Variants in TGFBR3L observed in about 807,000 individuals in gnomAD.
TGFBR3L encodes transforming growth factor-beta receptor type 3-like protein.
In TGFBR3L, 21 loss-of-function variants were observed where a neutral mutation model predicts 20.4. That is an observed-to-expected ratio of 1.03 (90% CI 0.73 to 1.48). TGFBR3L has a LOEUF of 1.48. Ranked by LOEUF, TGFBR3L falls within the 40% of genes most tolerant of loss-of-function variation. The pLI is 0.00. For synonymous variants in TGFBR3L, 245 were observed against 244.2 expected, an observed-to-expected ratio of 1.00 and a Z score of -0.03; for missense variants, 479 against 498.0, an observed-to-expected ratio of 0.96 and a Z score of 0.36.
rs1321220219 is a variant in TGFBR3L, at chr19:7,916,240, CA to C, written c.-27del. 8 of 1,526,622 alleles carry C rather than the reference CA, an allele frequency of 5.2e-6. No homozygotes were observed. The African/African-American group carries it at 8.2e-5, about 16-fold the overall frequency. The allele number at this position is 1,526,622 out of a possible 1,614,324, so 94.6% of individuals were successfully genotyped here. On this transcript the variant is annotated 5_prime_UTR_variant, in exon 1 of 6. Transcript: ENST00000565886. ...GGGTCGCCAGGGGGCACATCACCGTCAGGGGGGAAAGTGGCGCGGAGCCCAT... is the reference window on the plus strand; with the variant it reads ...GGGTCGCCAGGGGGCACATCACCGTCGGGGGGAAAGTGGCGCGGAGCCCAT...
chr19:7,918,065 GC>G lies in TGFBR3L; in HGVS notation c.896del (p.Pro299LeufsTer78). On this transcript the variant is annotated frameshift_variant, in exon 5 of 6. Transcript: ENST00000565886. LOFTEE classifies it high-confidence loss of function. ...TCGCCTCTCCCTTCCAGCGCCCCACGCCCCTGGCCCGCCCGCGAGAGCCTCG... is the reference window on the plus strand; with the variant it reads ...TCGCCTCTCCCTTCCAGCGCCCCACGCCCTGGCCCGCCCGCGAGAGCCTCG... 2 of 1,534,624 alleles carry G rather than the reference GC, an allele frequency of 1.3e-6. No homozygotes were observed. The highest frequency in any genetic ancestry group is 1.7e-6 in the Non-Finnish European group (2 of 1,146,020).
In TGFBR3L at chr19:7,916,285, C is replaced by G. The variant is rs1202105924; in HGVS notation, c.18C>G (p.Ala6=). The G allele has an allele frequency of 5.9e-6, 9 of 1,535,252 alleles. No homozygotes were observed. The highest frequency in any genetic ancestry group is 7.8e-6 in the Non-Finnish European group (9 of 1,146,622). The change falls in exon 1 of 6, where the codon GCC becomes GCG. Residue 6 remains alanine (A), a synonymous_variant. Transcript: ENST00000565886. ...AGCCCATCATGGGTGAATCGGCCGC[C>G]GCAACCGCATCCCTTTTCCAAAGGC...
chr19:7,917,308 C>T (rs1452890515), intron 2 of TGFBR3L, among the ~76,000 whole-genome samples, 165 bp from the exon 4 acceptor site: 1 of 152,014 alleles, frequency 6.6e-6, no homozygotes, highest in Non-Finnish European at 1.5e-5. Flanking sequence ...CACTTGTATG[C>T]GTAGGGGCTG....
At position 7,916,067 on chromosome 19, in the gene TGFBR3L, A is replaced by C; in HGVS notation, c.-201A>C. 1.0e-6 allele frequency: 1 copy of C among 1,003,676 alleles called. No homozygotes were observed. Among genetic ancestry groups the C allele is most frequent in the Non-Finnish European group, 1.4e-6 (1 of 712,874 alleles). The allele number at this position is 1,003,676 out of a possible 1,614,324, so 62.2% of individuals were successfully genotyped here. ...AGAGCAGCCCTGGGGAAGGTGGGGG[A>C]GCTCTGACTTCACCCAGCCGGACCC... On this transcript the variant is annotated 5_prime_UTR_variant, in exon 1 of 6. Transcript: ENST00000565886.
At chr19:7,917,403 C>CCCTG in intron 2 of TGFBR3L, 70 bp from the exon 4 acceptor site, 1 of 1,483,644 alleles carries the variant, frequency 6.7e-7, no homozygotes, top group South Asian at 1.3e-5. Context: ...CTCTTGGGGG[C>CCCTG]CCTGGGGACC....
rs958180627 is a variant in TGFBR3L at position 7,914,839 on chromosome 19, G to C, written c.-1429G>C. On this transcript the variant is annotated 5_prime_UTR_variant, in exon 1 of 6. Coordinates refer to ENST00000565886, the MANE Select transcript of TGFBR3L (RefSeq NM_001195259.2). ...TGTCTGCTCTGGCCCCAAACACTCC[G>C]ACCTCAGCTGGTCCAGCATGCTGGG... 1.3e-5 allele frequency among the ~76,000 whole-genome samples: 2 copies of C among 152,174 alleles called. No individual in the cohort carries two copies. Among genetic ancestry groups the C allele is most frequent in the Non-Finnish European group, 2.9e-5 (2 of 68,028 alleles).
Position 7,916,721 on chromosome 19 carries a change from C to G in TGFBR3L, c.376C>G (p.Leu126Val). ...GGCCCCGGGGCCCGCCCTGGCTCTGCTGCGTGAGGGCTGCCCCGCCGACAC... is the reference window on the plus strand; with the variant it reads ...GGCCCCGGGGCCCGCCCTGGCTCTGGTGCGTGAGGGCTGCCCCGCCGACAC... The change falls in exon 2 of 6, where the codon CTG (leucine) becomes GTG (valine). Residue 126 changes from leucine (L) to valine (V), a missense_variant. Coordinates refer to ENST00000565886, the MANE Select transcript of TGFBR3L (RefSeq NM_001195259.2). 6.7e-7 allele frequency: 1 copy of G among 1,483,160 alleles called. No homozygotes were observed. The highest frequency in any genetic ancestry group is 8.9e-7 in the Non-Finnish European group (1 of 1,123,800). The allele number at this position is 1,483,160 out of a possible 1,614,324, so 91.9% of individuals were successfully genotyped here.
intron 4 of TGFBR3L, 49 bp from the exon 6 acceptor site, chr19:7,918,008 C>A: frequency 1.3e-6 from 2 of 1,521,438 alleles, no homozygotes; most frequent in Non-Finnish European, 1.8e-6. Flanking sequence ...CCGCCCTTAG[C>A]CTGGCGTGGC....
Position 7,915,338 on chromosome 19 carries a change from G to C in TGFBR3L, c.-930G>C, listed in dbSNP as rs1368525982. Among the ~76,000 whole-genome samples, 1 of 152,164 alleles carries C rather than the reference G, an allele frequency of 6.6e-6. No homozygotes were observed. The highest frequency in any genetic ancestry group is 1.5e-5 in the Non-Finnish European group (1 of 68,020). On this transcript the variant is annotated 5_prime_UTR_variant, in exon 1 of 6. Coordinates refer to ENST00000565886, the MANE Select transcript of TGFBR3L (RefSeq NM_001195259.2). Reference sequence around the variant, plus strand: ...CCTCATGGGGGTGGGGACAGGGCAGGGGAGTGGGGTGGGGTCTCTGTCCCC... The same window carrying C: ...CCTCATGGGGGTGGGGACAGGGCAGCGGAGTGGGGTGGGGTCTCTGTCCCC...
Position 7,916,903 on chromosome 19 carries a change from T to A in TGFBR3L, c.558T>A (p.Pro186=). Residue 186 remains proline, a synonymous_variant, in exon 2 of 6, where the codon CCT becomes CCA. Coordinates refer to ENST00000565886, the MANE Select transcript of TGFBR3L (RefSeq NM_001195259.2). ...GCCTCCGGGGAGTCCGCCGGGCGCCTGCGCCTCTGACGCCGCCGCCGCCGC... is the reference window on the plus strand; with the variant it reads ...GCCTCCGGGGAGTCCGCCGGGCGCCAGCGCCTCTGACGCCGCCGCCGCCGC... 7.5e-7 allele frequency: 1 copy of A among 1,326,302 alleles called. No individual in the cohort carries two copies. Among genetic ancestry groups the A allele is most frequent in the South Asian group, 2.2e-5 (1 of 46,372 alleles). The allele number at this position is 1,326,302 out of a possible 1,614,324, so 82.2% of individuals were successfully genotyped here.
Position 7,917,599 on chromosome 19 carries a change from A to T in TGFBR3L, c.724A>T (p.Arg242Trp), listed in dbSNP as rs1027329703. The T allele has an allele frequency of 6.8e-7, 1 of 1,475,280 alleles. No individual in the cohort carries two copies. Among genetic ancestry groups the T allele is most frequent in the Non-Finnish European group, 9.0e-7 (1 of 1,115,216 alleles). 91.4% of individuals were successfully genotyped at this position (1,475,280 alleles called of 1,614,324 possible). A position where few individuals can be genotyped will look rare whatever the true frequency, so the allele number is the denominator to read the frequency against. ...GGTCACCGTGCCGCGGCCGCCCCCCAGTGAGCACGCAGTCCTCCTCCGCAT... is the reference window on the plus strand; with the variant it reads ...GGTCACCGTGCCGCGGCCGCCCCCCTGTGAGCACGCAGTCCTCCTCCGCAT... The change falls in exon 3 of 6, where the codon AGG (arginine) becomes TGG (tryptophan). Residue 242 changes from arginine to tryptophan, a missense_variant and splice_region_variant. Arg to Trp is a moderately radical substitution (Grantham distance 101). Transcript: ENST00000565886.
Position 7,917,143 on chromosome 19 carries a change from A to T in TGFBR3L, c.597+201A>T, listed in dbSNP as rs554980708. The T allele has an allele frequency of 1.2e-5, 11 of 947,708 alleles. No homozygotes were observed. The East Asian group carries it at 3.0e-4, about 26-fold the overall frequency. The allele number at this position is 947,708 out of a possible 1,614,324, so 58.7% of individuals were successfully genotyped here. On this transcript the variant is annotated intron_variant, in intron 2 of 5. Transcript: ENST00000565886. Reference sequence around the variant, plus strand: ...TGGGTTCCCCCATGGACAGCTCTGGAATCCTTCAGGGCTGGGGGTTGGATG... The same window carrying T: ...TGGGTTCCCCCATGGACAGCTCTGGTATCCTTCAGGGCTGGGGGTTGGATG...
Position 7,917,577 on chromosome 19 carries a change from C to A in TGFBR3L, c.702C>A (p.Val234=). Residue 234 remains valine, a synonymous_variant, in exon 3 of 6, where the codon GTC becomes GTA. Transcript: ENST00000565886. Reference sequence around the variant, plus strand: ...ACACGCTGACGCAGCCTATCGTGGTCACCGTGCCGCGGCCGCCCCCCAGTG... The same window carrying A: ...ACACGCTGACGCAGCCTATCGTGGTAACCGTGCCGCGGCCGCCCCCCAGTG... The A allele has an allele frequency of 6.7e-7, 1 of 1,490,208 alleles. No individual in the cohort carries two copies. 92.3% of individuals were successfully genotyped at this position (1,490,208 alleles called of 1,614,324 possible). A position where few individuals can be genotyped will look rare whatever the true frequency, so the allele number is the denominator to read the frequency against.
In TGFBR3L at chr19:7,916,328, G is replaced by A; in HGVS notation, c.61G>A (p.Gly21Ser). 1.3e-6 allele frequency: 2 copies of A among 1,535,632 alleles called. No homozygotes were observed. Among genetic ancestry groups the A allele is most frequent in the Non-Finnish European group, 1.7e-6 (2 of 1,146,768 alleles). ...CCAAAGGCGGCGGCGGGGGCGAGGT[G>A]GTCGGGTCACTTTTCCCGGAGGCCT... Residue 21 changes from glycine to serine, a missense_variant, in exon 1 of 6, where the codon GGT (glycine) becomes AGT (serine). Gly to Ser is a moderately conservative substitution (Grantham distance 56). Transcript: ENST00000565886.
At position 7,916,380 on chromosome 19, in the gene TGFBR3L, T is replaced by G; in HGVS notation, c.113T>G (p.Phe38Cys). Residue 38 changes from phenylalanine to cysteine, a missense_variant, in exon 1 of 6, where the codon TTT (phenylalanine) becomes TGT (cysteine). By Grantham distance (205) the Phe-to-Cys change is radical (BLOSUM62 -2). Transcript: ENST00000565886. ...AAGGGCAGCGCGCGTTTTCTCTCCT[T>G]TGGGCCGCCCTTCCCCGCCCCGCCA... is the stretch of plus-strand genomic sequence containing the variant. 1.3e-6 allele frequency: 2 copies of G among 1,535,414 alleles called. No homozygotes were observed. Among genetic ancestry groups the G allele is most frequent in the Non-Finnish European group, 1.7e-6 (2 of 1,146,666 alleles).
rs1251206702 is a variant in TGFBR3L, at chr19:7,916,460, C to T, written c.193C>T (p.Leu65=). ...CTGGCTGCGCAGACCCCTCTTCAGCCTGAAGCTGTCCGACACAGAGGACGT... is the reference window on the plus strand; with the variant it reads ...CTGGCTGCGCAGACCCCTCTTCAGCTTGAAGCTGTCCGACACAGAGGACGT... The change falls in exon 1 of 6, where the codon CTG becomes TTG. Residue 65 remains leucine, a synonymous_variant. Coordinates refer to ENST00000565886, the MANE Select transcript of TGFBR3L (RefSeq NM_001195259.2). 2.0e-6 allele frequency: 3 copies of T among 1,533,934 alleles called. No homozygotes were observed. The highest frequency in any genetic ancestry group is 3.9e-5 in the Admixed American group (2 of 50,896).
At position 7,917,772 on chromosome 19, in the gene TGFBR3L, C is replaced by A; in HGVS notation, c.796C>A (p.Pro266Thr). The A allele has an allele frequency of 1.4e-6, 2 of 1,441,690 alleles. No homozygotes were observed. Among genetic ancestry groups the A allele is most frequent in the Middle Eastern group, 2.4e-4 (1 of 4,106 alleles). The allele number at this position is 1,441,690 out of a possible 1,614,324, so 89.3% of individuals were successfully genotyped here. The change falls in exon 4 of 6, where the codon CCC (proline) becomes ACC (threonine). Residue 266 changes from proline to threonine, a missense_variant. Coordinates refer to ENST00000565886, the MANE Select transcript of TGFBR3L (RefSeq NM_001195259.2). ...CGCGCCGGCCCCCGCGGCCCTGGAA[C>A]CCGCGCCGGTGGTGGCGCTGGTGTT...
At chr19:7,918,771 A>G in intron 5 of TGFBR3L, 146 bp from the exon 7 acceptor site, 1 of 397,062 alleles carries the variant, frequency 2.5e-6, no homozygotes, top group Non-Finnish European at 4.4e-6. Flanking sequence ...GAGGAGAGGC[A>G]CTAGGCGAGG....
chr19:7,916,583 T>TG (rs1983311732), intron 1 of TGFBR3L, 39 bp from the exon 3 acceptor site: 1 of 1,438,832 alleles, frequency 7.0e-7, no homozygotes, highest in Non-Finnish European at 9.1e-7. Context: ...TGGGGGCCGG[T>TG]GGGGACGGGC....
Sources: allele counts gnomAD v4.1 joint callset (sites outside exome capture counted in the v4.1 genomes callset), GRCh38; gene constraint gnomAD v4.1.1; transcripts MANE v1.5; gene names NCBI Gene and HGNC (gene_info 2026-07-23, HGNC 2026-07-21).